Variants in TNFSF11 observed in about 807,000 individuals in gnomAD.
TNFSF11 encodes tumor necrosis factor ligand superfamily member 11.
TNFSF11 carries 12 observed loss-of-function variants against 32.2 expected under a neutral mutation model. The observed-to-expected ratio is 0.37, with a 90% CI of 0.24 to 0.60. The LOEUF (loss-of-function observed/expected upper bound fraction) is 0.60. Among genes scored for constraint, TNFSF11 ranks in the 20% least tolerant of loss-of-function variants. The pLI, the probability that TNFSF11 is intolerant of heterozygous loss-of-function variation, is 0.66. For synonymous variants in TNFSF11, 172 were observed against 152.1 expected, an observed-to-expected ratio of 1.13 and a Z score of -0.96; for missense variants, 345 against 398.0, an observed-to-expected ratio of 0.87 and a Z score of 1.13.
At chr13:42,573,254 A>C (rs914259922), upstream of TNFSF11, among the ~76,000 whole-genome samples, 1 of 152,150 alleles carries the variant, frequency 6.6e-6, no homozygotes, top group African/African-American at 2.4e-5. Context: ...ATTAATAAAA[A>C]AGTGGAAACA....
At chr13:42,569,277 G>A (rs1356778317), upstream of TNFSF11, among the ~76,000 whole-genome samples, 5 of 152,088 alleles carry the variant, frequency 3.3e-5, no homozygotes, top group African/African-American at 9.7e-5. Flanking sequence ...AGCTGGGCAC[G>A]GTGGCTCACG....
intron 1 of TNFSF11, among the ~76,000 whole-genome samples, chr13:42,577,479 A>G (rs1873378305): frequency 6.6e-6 from 1 of 152,176 alleles, no homozygotes; most frequent in Non-Finnish European, 1.5e-5. Flanking sequence ...ACCACATAGT[A>G]TTCATACTTT....
chr13:42,567,932 G>C (rs1872926440), intron 2 of TNFSF11, among the ~76,000 whole-genome samples: 1 of 152,160 alleles, frequency 6.6e-6, no homozygotes, highest in Non-Finnish European at 1.5e-5. Flanking sequence ...CAGCTCCCCA[G>C]CTATCAGACA....
At chr13:42,575,937 G>T (rs891123667) in intron 1 of TNFSF11, among the ~76,000 whole-genome samples, 8 of 152,194 alleles carry the variant, frequency 5.3e-5, no homozygotes, top group Non-Finnish European at 7.3e-5. Flanking sequence ...TTTAGTGCTT[G>T]TGCATGGAGT....
chr13:42,589,487 C>T lies in TNFSF11; in HGVS notation c.387+8194C>T, dbSNP rs1474264780. Among the ~76,000 whole-genome samples the T allele has an allele frequency of 2.6e-5, 4 of 152,218 alleles. No individual in the cohort carries two copies. The South Asian group carries it at 6.2e-4, about 24-fold the overall frequency. On this transcript the variant is annotated intron_variant, in intron 2 of 4. Coordinates refer to ENST00000398795, the MANE Select transcript of TNFSF11 (RefSeq NM_003701.4). ...AGGTCATTTCTTTTCCTGCTTAAAG[C>T]ATCCTTCAGTAGATCGCTGTGGTTG...
rs1473522008 is a variant in TNFSF11 at position 42,574,359 on chromosome 13, G to C, written c.56G>C (p.Gly19Ala). The change falls in exon 1 of 5, where the codon GGC becomes GCC. Residue 19 changes from glycine to alanine, a missense_variant. Coordinates refer to ENST00000398795, the MANE Select transcript of TNFSF11 (RefSeq NM_003701.4). ...TACCTGCGTGGCTCGGAGGAGATGG[G>C]CGGCGGCCCCGGAGCCCCGCACGAG... ...TKYLRGSEEMGGGPGAPHEGP... is the reference protein window; with the variant it reads ...TKYLRGSEEMAGGPGAPHEGP... 1.3e-6 allele frequency: 2 copies of C among 1,542,418 alleles called. No individual in the cohort carries two copies. Among genetic ancestry groups the C allele is most frequent in the East Asian group, 4.9e-5 (2 of 40,564 alleles).
At chr13:42,566,142 T>A (rs1282602470) in intron 1 of TNFSF11, among the ~76,000 whole-genome samples, 1 of 152,168 alleles carries the variant, frequency 6.6e-6, no homozygotes, top group Non-Finnish European at 1.5e-5. Context: ...ACAGAATTAA[T>A]CCCATAGCTT....
In TNFSF11 at chr13:42,574,517, G is replaced by T; in HGVS notation, c.214G>T (p.Ala72Ser). ...CGTCGCCCTGTTCTTCTATTTCAGA[G>T]CGCAGGTGAGTGGCCACCTTCCCAG... is the stretch of plus-strand genomic sequence containing the variant. ...CSVALFFYFR[A>S]QMDPNRISED... The change falls in exon 1 of 5, where the codon GCG becomes TCG. Residue 72 changes from alanine (A) to serine (S), a missense_variant. Physicochemically the swap from Ala to Ser is moderately conservative, Grantham distance 99. This residue lies in a region of TNFSF11 where 197 missense variants were observed against 182.0 expected (regional missense o/e 1.08). Transcript: ENST00000398795. 1 of 1,607,588 alleles carries T rather than the reference G, an allele frequency of 6.2e-7. No homozygotes were observed.
At chr13:42,577,080 T>C (rs184813883) in intron 1 of TNFSF11, among the ~76,000 whole-genome samples, 48 of 152,344 alleles carry the variant, frequency 3.2e-4, no homozygotes, top group Non-Finnish European at 6.0e-4. Flanking sequence ...AAGTTGTGAA[T>C]CAACTATCTG....
intron 1 of TNFSF11, among the ~76,000 whole-genome samples, chr13:42,576,423 G>A (rs1014284338): frequency 6.6e-6 from 1 of 152,158 alleles, no homozygotes; most frequent in African/African-American, 2.4e-5. Flanking sequence ...TCTTGATGCT[G>A]TATGGATGAT....
upstream of TNFSF11, among the ~76,000 whole-genome samples, chr13:42,569,789 T>C (rs1025045852): frequency 1.3e-5 from 2 of 152,078 alleles, no homozygotes; most frequent in African/African-American, 4.8e-5. Context: ...TTCATTCATA[T>C]AGTGAAGTTT....
chr13:42,591,596 T>G (rs1006975638), intron 2 of TNFSF11, among the ~76,000 whole-genome samples: 2 of 152,224 alleles, frequency 1.3e-5, no homozygotes, highest in African/African-American at 4.8e-5. Context: ...TGGGTGTTTT[T>G]GCACTATGGG....
chr13:42,572,266 C>A (rs1165337913), upstream of TNFSF11, among the ~76,000 whole-genome samples: 1 of 152,088 alleles, frequency 6.6e-6, no homozygotes, highest in Admixed American at 6.5e-5. Context: ...ATTTGAGGGA[C>A]TTTCTTGTAA....
intron 4 of TNFSF11, among the ~76,000 whole-genome samples, 160 bp from the exon 5 acceptor site, chr13:42,606,337 G>C (rs1338098215): frequency 6.6e-6 from 1 of 152,186 alleles, no homozygotes; most frequent in Non-Finnish European, 1.5e-5. Context: ...AAGTACATCT[G>C]AATGTATTCT....
chr13:42,606,815 G>A lies in TNFSF11; in HGVS notation c.851G>A (p.Arg284Gln), dbSNP rs61761332. The change falls in exon 5 of 5, where the codon CGG becomes CAG. Residue 284 changes from arginine to glutamine, a missense_variant. Arg to Gln is a conservative substitution (Grantham distance 43). Transcript: ENST00000398795. ...SINVGGFFKL[R>Q]SGEEISIEVS... ...AACGTTGGTGGATTTTTTAAGTTACGGTCTGGAGAGGAAATCAGCATCGAG... is the reference window on the plus strand; with the variant it reads ...AACGTTGGTGGATTTTTTAAGTTACAGTCTGGAGAGGAAATCAGCATCGAG... 3.8e-5 allele frequency: 61 copies of A among 1,613,518 alleles called. No individual in the cohort carries two copies. In the East Asian group the frequency reaches 4.7e-4, roughly 12 times the overall value.
upstream of TNFSF11, among the ~76,000 whole-genome samples, chr13:42,572,443 T>C (rs1029477036): frequency 4.6e-5 from 7 of 151,894 alleles, no homozygotes; most frequent in African/African-American, 1.7e-4. Context: ...AAAGAAGAAA[T>C]ATGGAATTAT....
intron 2 of TNFSF11, among the ~76,000 whole-genome samples, chr13:42,599,150 C>G (rs1868985012): frequency 6.6e-6 from 1 of 152,306 alleles, no homozygotes; most frequent in African/African-American, 2.4e-5. Context: ...AACTTCAGAA[C>G]AGGTCAGTGA....
At position 42,600,770 on chromosome 13, in the gene TNFSF11, G is replaced by C; in HGVS notation, c.406G>C (p.Gly136Arg). ...ATTTCAGGAATTACAACATATCGTT[G>C]GATCACAGCACATCAGAGCAGAGAA... ...AVQKELQHIV[G>R]SQHIRAEKAM... is the part of the protein sequence containing the mutation. The change falls in exon 3 of 5, where the codon GGA (glycine) becomes CGA (arginine). Residue 136 changes from glycine to arginine, a missense_variant. Physicochemically the swap from Gly to Arg is moderately radical, Grantham distance 125. This residue lies in a region of TNFSF11 where 197 missense variants were observed against 182.0 expected (regional missense o/e 1.08). Transcript: ENST00000398795. The C allele has an allele frequency of 6.2e-7, 1 of 1,613,840 alleles. No homozygotes were observed. The highest frequency in any genetic ancestry group is 8.5e-7 in the Non-Finnish European group (1 of 1,179,904).
At chr13:42,601,362 G>C (rs1207938785) in intron 4 of TNFSF11, among the ~76,000 whole-genome samples, 1 of 152,202 alleles carries the variant, frequency 6.6e-6, no homozygotes, top group Non-Finnish European at 1.5e-5. Flanking sequence ...CACATACTCA[G>C]CTATCTCCTG....
Sources: allele counts gnomAD v4.1 joint callset (sites outside exome capture counted in the v4.1 genomes callset), GRCh38; gene constraint gnomAD v4.1.1; regional missense constraint gnomAD v4.1.1; transcripts MANE v1.5; gene names NCBI Gene and HGNC (gene_info 2026-07-23, HGNC 2026-07-21).